The following ANKRD44 variants were observed in gnomAD, a reference collection of about 807,000 sequenced individuals.
ANKRD44 encodes ankyrin repeat domain 44.
A neutral mutation model predicts 116.0 loss-of-function variants in ANKRD44; 35 were observed. That is an observed-to-expected ratio of 0.30 (90% CI 0.23 to 0.40). The LOEUF (loss-of-function observed/expected upper bound fraction) is 0.40, where lower values mean the gene tolerates loss of function less well. Among genes scored for constraint, ANKRD44 ranks in the 10% least tolerant of loss-of-function variants. The pLI, the probability that ANKRD44 is intolerant of heterozygous loss-of-function variation, is 1.00. For synonymous variants in ANKRD44, 435 were observed against 461.8 expected, an observed-to-expected ratio of 0.94 and a Z score of 0.74; for missense variants, 1,014 against 1,242.6, an observed-to-expected ratio of 0.82 and a Z score of 2.77.
intron 1 of ANKRD44, among the ~76,000 whole-genome samples, chr2:197,199,600 T>C (rs2081046657): frequency 6.6e-6 from 1 of 152,216 alleles, no homozygotes; most frequent in Non-Finnish European, 1.5e-5. Flanking sequence ...GATTTTACTA[T>C]TTCCCACACA....
chr2:197,123,094 G>A (rs534566405), intron 6 of ANKRD44, among the ~76,000 whole-genome samples: 1 of 152,278 alleles, frequency 6.6e-6, no homozygotes, highest in South Asian at 2.1e-4. Flanking sequence ...CAAGATATTA[G>A]TAGAGAGCCT....
chr2:197,265,595 T>C (rs1188150417), intron 1 of ANKRD44, among the ~76,000 whole-genome samples: 1 of 152,178 alleles, frequency 6.6e-6, no homozygotes, highest in Admixed American at 6.5e-5. Flanking sequence ...TTTTTTTTCT[T>C]TACTGTCTCT....
At chr2:197,063,091 A>T (rs1019876903) in intron 16 of ANKRD44, among the ~76,000 whole-genome samples, 1 of 152,182 alleles carries the variant, frequency 6.6e-6, no homozygotes, top group Admixed American at 6.5e-5. Flanking sequence ...CTGACACCTC[A>T]TGCGCCTGGG....
At chr2:197,278,431 A>G (rs916090623) in intron 1 of ANKRD44, among the ~76,000 whole-genome samples, 7 of 151,036 alleles carry the variant, frequency 4.6e-5, no homozygotes, top group African/African-American at 1.7e-4. Context: ...ATCTCGGCTC[A>G]CTGCAACCTC....
intron 18 of ANKRD44, among the ~76,000 whole-genome samples, chr2:197,009,766 C>A (rs2076263756): frequency 6.6e-6 from 1 of 152,142 alleles, no homozygotes; most frequent in Non-Finnish European, 1.5e-5. Flanking sequence ...AGGCAGAGTG[C>A]CTCTGTGTTA....
At chr2:197,043,933 A>C (rs1375766585) in intron 16 of ANKRD44, among the ~76,000 whole-genome samples, 4 of 152,246 alleles carry the variant, frequency 2.6e-5, no homozygotes, top group Non-Finnish European at 5.9e-5. Context: ...TCTAGTGCCA[A>C]AAATTAAAGT....
intron 1 of ANKRD44, among the ~76,000 whole-genome samples, chr2:197,227,793 T>C (rs1190939531): frequency 6.6e-6 from 1 of 152,162 alleles, no homozygotes; most frequent in African/African-American, 2.4e-5. Flanking sequence ...ATTTTCCTCA[T>C]AGGTAAAGCT....
At chr2:197,289,315 T>C (rs1574454092) in intron 1 of ANKRD44, among the ~76,000 whole-genome samples, 1 of 152,206 alleles carries the variant, frequency 6.6e-6, no homozygotes, top group Admixed American at 6.5e-5. Flanking sequence ...ATATGTATTG[T>C]TGGGGGAGTG....
rs151252287 is a variant in ANKRD44 at position 197,065,494 on chromosome 2, A to G, written c.1650+13209T>C. 1.2e-4 allele frequency among the ~76,000 whole-genome samples: 19 copies of G among 152,326 alleles called. No individual in the cohort carries two copies. In the East Asian group the frequency reaches 3.7e-3, roughly 29 times the overall value. On this transcript the variant is annotated intron_variant, in intron 16 of 27. Transcript: ENST00000282272. ...TAGAGACATAAAAAATCCCTTCAAA[A>G]AATCAATGAATCCAGGAGCTGGTTT...
intron 1 of ANKRD44, chr2:197,199,057 C>T (rs966863097): frequency 6.6e-6 from 1 of 152,198 alleles, no homozygotes; most frequent in Non-Finnish European, 1.5e-5. Context: ...GCTCTGAGAC[C>T]GGAAGTTCTG....
intron 17 of ANKRD44, among the ~76,000 whole-genome samples, chr2:197,022,106 G>A (rs1006114062): frequency 2.6e-5 from 4 of 152,194 alleles, no homozygotes; most frequent in African/African-American, 9.7e-5. Flanking sequence ...GGGGCATCTG[G>A]TTCCATTACA....
At chr2:197,088,361 A>G (rs1287871298) in intron 12 of ANKRD44, among the ~76,000 whole-genome samples, 1 of 152,218 alleles carries the variant, frequency 6.6e-6, no homozygotes, top group Non-Finnish European at 1.5e-5. Flanking sequence ...TATCACCCAC[A>G]TAACAGCAAC....
intron 2 of ANKRD44, among the ~76,000 whole-genome samples, chr2:197,186,621 T>TTTTTTTTTTTTG: frequency 1.2e-5 from 1 of 81,812 alleles, no homozygotes; most frequent in African/African-American, 1.5e-4. Context: ...TCTTTTTTTT[T>TTTTTTTTTTTTG]TTTTTTTTTT....
intron 3 of ANKRD44, among the ~76,000 whole-genome samples, chr2:197,141,198 C>A (rs1172587713): frequency 6.6e-6 from 1 of 152,158 alleles, no homozygotes; most frequent in Non-Finnish European, 1.5e-5. Flanking sequence ...GCCTGGGCGA[C>A]AGAGCAAGAC....
At chr2:197,241,208 A>T (rs892481815) in intron 1 of ANKRD44, among the ~76,000 whole-genome samples, 6 of 152,232 alleles carry the variant, frequency 3.9e-5, no homozygotes, top group Admixed American at 3.9e-4. Context: ...AGAAAAGGAA[A>T]ATAGAATTAA....
At chr2:197,192,500 AGT>A (rs1253927244) in intron 1 of ANKRD44, among the ~76,000 whole-genome samples, 13 of 152,240 alleles carry the variant, frequency 8.5e-5, no homozygotes, top group African/African-American at 3.1e-4. Flanking sequence ...ATGTCATTAA[AGT>A]AAGATGGGAG....
intron 16 of ANKRD44, among the ~76,000 whole-genome samples, chr2:197,036,156 T>C (rs2076802406): frequency 6.6e-6 from 1 of 152,222 alleles, no homozygotes; most frequent in South Asian, 2.1e-4. Context: ...TGTATGAATG[T>C]ATGTATGAAT....
chr2:197,077,327 G>C (rs1403486360), intron 16 of ANKRD44, among the ~76,000 whole-genome samples: 8 of 151,984 alleles, frequency 5.3e-5, no homozygotes, highest in Admixed American at 3.3e-4. Flanking sequence ...CTTAACACTT[G>C]TATCAAAGAC....
chr2:197,256,342 A>T (rs971915690), intron 1 of ANKRD44, among the ~76,000 whole-genome samples: 1 of 152,188 alleles, frequency 6.6e-6, no homozygotes, highest in African/African-American at 2.4e-5. Context: ...CTGCTGTTCT[A>T]TGATGTGTTT....
Sources: allele counts gnomAD v4.1 joint callset (sites outside exome capture counted in the v4.1 genomes callset), GRCh38; gene constraint gnomAD v4.1.1; transcripts MANE v1.5; gene names NCBI Gene and HGNC (gene_info 2026-07-23, HGNC 2026-07-21).